GRB14: variants seen among roughly 807,000 people sequenced by gnomAD.
The protein encoded by GRB14 is growth factor receptor-bound protein 14.
GRB14 carries 38 observed loss-of-function variants against 69.1 expected under a neutral mutation model. That is an observed-to-expected ratio of 0.55 (90% CI 0.42 to 0.72). The LOEUF (loss-of-function observed/expected upper bound fraction) is 0.72, where lower values mean the gene tolerates loss of function less well. GRB14 is among the 30% of genes least tolerant of loss of function. The pLI is 0.00. For missense variants in GRB14, 666 were observed against 666.1 expected, an observed-to-expected ratio of 1.00 and a Z score of 0.00; for synonymous variants, 247 against 241.3, an observed-to-expected ratio of 1.02 and a Z score of -0.22.
chr2:164,533,272 G>A (rs1205919850), intron 3 of GRB14, among the ~76,000 whole-genome samples: 2 of 113,526 alleles, frequency 1.8e-5, no homozygotes, highest in African/African-American at 7.0e-5. Flanking sequence ...TTGCTCTGTC[G>A]CCCATGGTGG....
chr2:164,618,571 C>G (rs1347352913), intron 2 of GRB14, among the ~76,000 whole-genome samples: 4 of 152,166 alleles, frequency 2.6e-5, no homozygotes, highest in Non-Finnish European at 5.9e-5. Flanking sequence ...TTTCTCCAAT[C>G]CTTACCCAAA....
intron 9 of GRB14, among the ~76,000 whole-genome samples, chr2:164,501,686 A>G (rs1322526312): frequency 6.6e-6 from 1 of 152,110 alleles, no homozygotes; most frequent in African/African-American, 2.4e-5. Context: ...TTTGGCTTGC[A>G]GTTTTTGGGT....
chr2:164,496,056 T>C (rs1032208415), intron 12 of GRB14, among the ~76,000 whole-genome samples: 1 of 152,218 alleles, frequency 6.6e-6, no homozygotes, highest in Admixed American at 6.5e-5. Flanking sequence ...CTGCATTCCA[T>C]GCAAAGAAAC....
At chr2:164,572,961 T>C (rs530020059) in intron 2 of GRB14, among the ~76,000 whole-genome samples, 49 of 152,216 alleles carry the variant, frequency 3.2e-4, no homozygotes, top group Non-Finnish European at 6.2e-4. Flanking sequence ...TGTGCCCCCT[T>C]GGGATAACTC....
chr2:164,517,197 C>T (rs1344078860), intron 6 of GRB14, among the ~76,000 whole-genome samples: 2 of 152,116 alleles, frequency 1.3e-5, no homozygotes, highest in African/African-American at 4.8e-5. Context: ...AGAACTTGTG[C>T]AGGGAAACTC....
At chr2:164,537,772 C>T (rs1013643741) in intron 3 of GRB14, among the ~76,000 whole-genome samples, 4 of 152,114 alleles carry the variant, frequency 2.6e-5, no homozygotes, top group South Asian at 2.1e-4. Flanking sequence ...TGCCCATTTC[C>T]GGTCTGTGCG....
chr2:164,584,241 G>C (rs966793975), intron 2 of GRB14, among the ~76,000 whole-genome samples: 4 of 139,122 alleles, frequency 2.9e-5, no homozygotes, highest in Non-Finnish European at 4.5e-5. Flanking sequence ...CTGAGCTCAG[G>C]TAATCCACCT....
chr2:164,575,683 G>A (rs1422713109), intron 2 of GRB14, among the ~76,000 whole-genome samples: 1 of 152,056 alleles, frequency 6.6e-6, no homozygotes, highest in Non-Finnish European at 1.5e-5. Flanking sequence ...GTAGAAAAGG[G>A]AGGATGAAGA....
At chr2:164,586,032 G>A (rs986504523) in intron 2 of GRB14, among the ~76,000 whole-genome samples, 25 of 152,166 alleles carry the variant, frequency 1.6e-4, no homozygotes, top group Non-Finnish European at 3.4e-4. Flanking sequence ...TTACACATAA[G>A]AGATGCACAC....
intron 4 of GRB14, 89 bp downstream of exon 4, chr2:164,526,925 C>T: frequency 1.2e-6 from 1 of 847,388 alleles, no homozygotes; most frequent in Admixed American, 2.5e-5. Flanking sequence ...CCGAATAGGA[C>T]TGTATTTTAT....
intron 1 of GRB14, among the ~76,000 whole-genome samples, chr2:164,620,829 A>C (rs754881178): frequency 3.9e-5 from 6 of 152,180 alleles, no homozygotes; most frequent in Non-Finnish European, 4.4e-5. Context: ...CATGGCCACG[A>C]AGGAACAGAA....
rs746771197 is a variant in GRB14 at position 164,508,494 on chromosome 2, C to T, written c.984G>A (p.Gln328=). The change falls in exon 8 of 14, where the codon CAG becomes CAA. Residue 328 remains glutamine, a synonymous_variant. Coordinates refer to ENST00000263915, the MANE Select transcript of GRB14 (RefSeq NM_004490.3). The part of the protein sequence containing the change: ...DLKMLCAEEE[Q]SRTCWVTAIR... ...TCGCGGTCACCCAGCACGTCCTACT[C>T]TGCTCTTCTTCTGCACAGAGCATTT... 15 of 1,614,042 alleles carry T rather than the reference C, an allele frequency of 9.3e-6. No individual in the cohort carries two copies. The highest frequency in any genetic ancestry group is 3.3e-5 in the Admixed American group (2 of 59,986).
intron 2 of GRB14, among the ~76,000 whole-genome samples, chr2:164,567,511 A>G (rs1170958771): frequency 1.3e-5 from 2 of 152,144 alleles, no homozygotes; most frequent in Non-Finnish European, 2.9e-5. Flanking sequence ...CCATTTGGTA[A>G]GCATATTGCC....
intron 6 of GRB14, among the ~76,000 whole-genome samples, chr2:164,513,586 AAAG>A (rs1163630996): frequency 1.3e-5 from 2 of 152,208 alleles, no homozygotes; most frequent in African/African-American, 4.8e-5. Flanking sequence ...CAAGAATAGA[AAAG>A]AAGTAGTCAA....
chr2:164,541,603 C>A (rs903758679), intron 3 of GRB14, among the ~76,000 whole-genome samples: 2 of 151,356 alleles, frequency 1.3e-5, no homozygotes, highest in South Asian at 2.1e-4. Context: ...CAAAAGAGAC[C>A]CTATCTCTAA....
intron 2 of GRB14, among the ~76,000 whole-genome samples, chr2:164,550,468 C>T (rs1688505691): frequency 6.6e-6 from 1 of 152,136 alleles, no homozygotes; most frequent in Non-Finnish European, 1.5e-5. Context: ...CAATTCTGTC[C>T]TATCTTTTAA....
At chr2:164,517,620 C>T (rs965675286) in intron 6 of GRB14, among the ~76,000 whole-genome samples, 2 of 152,056 alleles carry the variant, frequency 1.3e-5, no homozygotes, top group Non-Finnish European at 1.5e-5. Context: ...CTTCAAGAGA[C>T]TCACATAACA....
chr2:164,617,293 A>G (rs1387598462), intron 2 of GRB14, among the ~76,000 whole-genome samples: 2 of 152,102 alleles, frequency 1.3e-5, no homozygotes, highest in Non-Finnish European at 2.9e-5. Flanking sequence ...TGCTCAGGGA[A>G]CAGTACAGGT....
chr2:164,518,630 A>G (rs1687554040), intron 6 of GRB14, among the ~76,000 whole-genome samples: 1 of 152,164 alleles, frequency 6.6e-6, no homozygotes, highest in Admixed American at 6.5e-5. Context: ...AGCCAAGATT[A>G]ACCAAGAAAA....
Sources: allele counts gnomAD v4.1 joint callset (sites outside exome capture counted in the v4.1 genomes callset), GRCh38; gene constraint gnomAD v4.1.1; transcripts MANE v1.5; gene names NCBI Gene and HGNC (gene_info 2026-07-23, HGNC 2026-07-21).